Variants in QSER1 observed in about 807,000 individuals in gnomAD.
QSER1 encodes glutamine and serine rich 1, also known as glutamine and serine-rich protein 1.
In QSER1, 49 loss-of-function variants were observed where a neutral mutation model predicts 158.5. The ratio of observed to expected loss-of-function variants is 0.31; its 90% CI spans 0.25 to 0.39. The LOEUF (loss-of-function observed/expected upper bound fraction) is 0.39, where lower values mean the gene tolerates loss of function less well. Ranked by LOEUF, QSER1 falls within the 10% of genes least tolerant of loss-of-function variation. The pLI is 1.00. For missense variants in QSER1, 1,754 were observed against 2,010.3 expected (o/e 0.87, Z 2.44); for synonymous variants, 650 against 715.5 (o/e 0.91, Z 1.46).
intron 4 of QSER1, among the ~76,000 whole-genome samples, chr11:32,949,268 A>C (rs1852385045): frequency 6.6e-6 from 1 of 152,162 alleles, no homozygotes; most frequent in Non-Finnish European, 1.5e-5. Context: ...TTTTGTTCAC[A>C]GATAACTATG....
At chr11:32,945,660 G>T (rs906593059) in intron 4 of QSER1, among the ~76,000 whole-genome samples, 3 of 149,978 alleles carry the variant, frequency 2.0e-5, no homozygotes, top group Admixed American at 2.0e-4. Flanking sequence ...CTCTCTGGCT[G>T]CCCTTAACAT....
Position 32,934,334 on chromosome 11 carries a change from A to G in QSER1, c.3076A>G (p.Arg1026Gly). 6.2e-7 allele frequency: 1 copy of G among 1,613,964 alleles called. No homozygotes were observed. Among genetic ancestry groups the G allele is most frequent in the Non-Finnish European group, 8.5e-7 (1 of 1,179,934 alleles). The change falls in exon 4 of 13, where the codon AGG (arginine) becomes GGG (glycine). Residue 1026 changes from arginine (R) to glycine (G), a missense_variant. Physicochemically the swap from Arg to Gly is moderately radical, Grantham distance 125. Around this residue, in one of 2 missense-constraint regions of QSER1, gnomAD observed 1,707 missense variants for 1,919.6 expected, o/e 0.89. Transcript: ENST00000650167. ...KSHFQQSLDV[R>G]HVTSDFNSMT... Reference sequence around the variant, plus strand: ...TCATTTTCAGCAGTCATTAGATGTCAGGCATGTGACTTCAGATTTTAACTC... The same window carrying G: ...TCATTTTCAGCAGTCATTAGATGTCGGGCATGTGACTTCAGATTTTAACTC...
intron 4 of QSER1, among the ~76,000 whole-genome samples, chr11:32,941,500 C>A (rs1056149365): frequency 5.3e-5 from 8 of 150,550 alleles, no homozygotes; most frequent in Admixed American, 4.7e-4. Context: ...TTTGTTCTTG[C>A]GATAGTTTAC....
intron 8 of QSER1, among the ~76,000 whole-genome samples, chr11:32,963,412 G>A (rs755134599): frequency 2.6e-5 from 4 of 151,862 alleles, no homozygotes; most frequent in Non-Finnish European, 4.4e-5. Context: ...CTGGAGTGCA[G>A]TGGCGCGATC....
chr11:32,966,582 A>C, intron 9 of QSER1, 145 bp downstream of exon 9: 1 of 669,802 alleles, frequency 1.5e-6, no homozygotes. Context: ...TTAATTCCAT[A>C]AAATGGTCAT....
In QSER1 at chr11:32,955,521, C is replaced by A. The variant is rs891577977; in HGVS notation, c.4617+109C>A. 4.8e-5 allele frequency: 27 copies of A among 562,708 alleles called. No homozygotes were observed. In the African/African-American group the frequency reaches 5.2e-4, roughly 11 times the overall value. The allele number at this position is 562,708 out of a possible 1,614,324, so 34.9% of individuals were successfully genotyped here. A position where few individuals can be genotyped will look rare whatever the true frequency, so the allele number is the denominator to read the frequency against. On this transcript the variant is annotated intron_variant, in intron 6 of 12. Transcript: ENST00000650167. Reference sequence around the variant, plus strand: ...ATTGAATATTTTTGATATAAAGTAGCATATAATTTGAACTAGAATATTGAT... The same window carrying A: ...ATTGAATATTTTTGATATAAAGTAGAATATAATTTGAACTAGAATATTGAT...
chr11:32,893,911 G>T lies in QSER1; in HGVS notation c.209+577G>T, dbSNP rs537272368. ...GGCAGGGCGCGAACGCGGCTCCAGG[G>T]CCGGGTGACATATGTTTGCGCTGGT... On this transcript the variant is annotated intron_variant, in intron 1 of 12. Coordinates refer to ENST00000650167, the MANE Select transcript of QSER1 (RefSeq NM_001076786.3). This position sits in a 1 kb window ranked among gnomAD's most constrained non-coding sequence, Gnocchi z 4.7. Among the ~76,000 whole-genome samples the T allele has an allele frequency of 6.6e-6, 1 of 152,330 alleles. No individual in the cohort carries two copies. Among genetic ancestry groups the T allele is most frequent in the East Asian group, 1.9e-4 (1 of 5,176 alleles).
At chr11:32,959,815 G>A (rs1852589240) in intron 8 of QSER1, among the ~76,000 whole-genome samples, 1 of 152,146 alleles carries the variant, frequency 6.6e-6, no homozygotes, top group Non-Finnish European at 1.5e-5. Context: ...AGGCTGGACT[G>A]CAGTGGTGCA....
intron 11 of QSER1, among the ~76,000 whole-genome samples, chr11:32,974,073 A>G (rs1417129444): frequency 6.6e-6 from 1 of 152,232 alleles, no homozygotes; most frequent in African/African-American, 2.4e-5. Context: ...ACATAGTATA[A>G]ATTGTTATAA....
At chr11:32,960,758 G>C (rs906725667) in intron 8 of QSER1, among the ~76,000 whole-genome samples, 1 of 152,162 alleles carries the variant, frequency 6.6e-6, no homozygotes, top group Non-Finnish European at 1.5e-5. Flanking sequence ...TTGGTAATTT[G>C]AGTGACCACT....
chr11:32,949,838 G>C (rs1852393194), intron 4 of QSER1, among the ~76,000 whole-genome samples: 1 of 152,182 alleles, frequency 6.6e-6, no homozygotes, highest in African/African-American at 2.4e-5. Flanking sequence ...CAGGTAGGCT[G>C]GCTGGTAGCA....
At chr11:32,971,226 C>T (rs903844247) in intron 10 of QSER1, among the ~76,000 whole-genome samples, 1 of 152,004 alleles carries the variant, frequency 6.6e-6, no homozygotes, top group African/African-American at 2.4e-5. Flanking sequence ...TAGCAATTTG[C>T]ATTTCAAAGC....
chr11:32,967,344 G>A (rs953777657), intron 9 of QSER1, among the ~76,000 whole-genome samples: 2 of 152,046 alleles, frequency 1.3e-5, no homozygotes, highest in Admixed American at 1.3e-4. Context: ...TGAGAAAGGG[G>A]TAAGGGATGA....
At chr11:32,905,495 A>G (rs1851680917) in intron 1 of QSER1, among the ~76,000 whole-genome samples, 1 of 152,190 alleles carries the variant, frequency 6.6e-6, no homozygotes, top group Admixed American at 6.5e-5. Flanking sequence ...TGTCAAAGTA[A>G]AAGTGTGAAC....
intron 10 of QSER1, among the ~76,000 whole-genome samples, chr11:32,972,112 G>A (rs954309889): frequency 4.0e-5 from 6 of 151,056 alleles, no homozygotes; most frequent in Non-Finnish European, 8.8e-5. Context: ...CCAATACCAG[G>A]TGCTTGGAAA....
chr11:32,933,126 T>C lies in QSER1; in HGVS notation c.1868T>C (p.Ile623Thr). 6.2e-7 allele frequency: 1 copy of C among 1,613,398 alleles called. No homozygotes were observed. The highest frequency in any genetic ancestry group is 1.3e-5 in the African/African-American group (1 of 74,958). ...LPDSSPTQNYISMHSSQNVQT... is the reference protein window; with the variant it reads ...LPDSSPTQNYTSMHSSQNVQT... ...GACTCTAGCCCGACCCAGAATTATA[T>C]TTCTATGCATTCTTCCCAAAATGTT... The change falls in exon 4 of 13, where the codon ATT becomes ACT. Residue 623 changes from isoleucine to threonine, a missense_variant. Ile to Thr is a moderately conservative substitution (Grantham distance 89, BLOSUM62 -1). Transcript: ENST00000650167.
chr11:32,895,324 G>T (rs918092736), intron 1 of QSER1, among the ~76,000 whole-genome samples: 2 of 152,144 alleles, frequency 1.3e-5, no homozygotes, highest in Non-Finnish European at 2.9e-5. Context: ...AGAAAATGCA[G>T]GTTTACCCCC....
At position 32,932,541 on chromosome 11, in the gene QSER1, G is replaced by A; in HGVS notation, c.1283G>A (p.Ser428Asn). 4 of 1,614,124 alleles carry A rather than the reference G, an allele frequency of 2.5e-6. No individual in the cohort carries two copies. The highest frequency in any genetic ancestry group is 2.2e-5 in the East Asian group (1 of 44,882). ...TCAACCAAGACCCCTAAACCTCAAA[G>A]TATAATTCCTCCTGTGCAAACACTA... is the stretch of plus-strand genomic sequence containing the variant. ...LTSTKTPKPQ[S>N]IIPPVQTLSY... is the part of the protein sequence containing the mutation. The change falls in exon 4 of 13, where the codon AGT (serine) becomes AAT (asparagine). Residue 428 changes from serine to asparagine, a missense_variant. Physicochemically the swap from Ser to Asn is conservative, Grantham distance 46. Transcript: ENST00000650167.
At chr11:32,941,434 A>C (rs1386551588) in intron 4 of QSER1, among the ~76,000 whole-genome samples, 2 of 126,238 alleles carry the variant, frequency 1.6e-5, no homozygotes, top group Non-Finnish European at 3.1e-5. Context: ...TCCTGTGTCC[A>C]TGTTATCTCA....
Sources: gnomAD v4.1 joint callset for allele counts (sites outside exome capture counted in the v4.1 genomes callset) on GRCh38, gnomAD v4.1.1 for gene constraint, gnomAD v4.1.1 regional missense constraint, Gnocchi (gnomAD v3.1) non-coding constraint, MANE v1.5 for transcripts, NCBI Gene and HGNC (gene_info 2026-07-23, HGNC 2026-07-21) for gene names.